The following BCAS3 variants were observed in gnomAD, a reference collection of about 807,000 sequenced individuals.
The protein encoded by BCAS3 is BCAS4/BCAS3 fusion.
A neutral mutation model predicts 116.1 loss-of-function variants in BCAS3; 53 were observed. The ratio of observed to expected loss-of-function variants is 0.46; its 90% CI spans 0.37 to 0.57. The LOEUF is 0.57. Ranked by LOEUF, BCAS3 falls within the 20% of genes least tolerant of loss-of-function variation. The pLI is 0.00. For synonymous variants in BCAS3, 391 were observed against 408.2 expected (o/e 0.96, Z 0.51); for missense variants, 917 against 1,165.4 (o/e 0.79, Z 3.10).
intron 10 of BCAS3, among the ~76,000 whole-genome samples, chr17:60,896,272 C>G (rs1036018832): frequency 2.0e-5 from 3 of 152,196 alleles, no homozygotes; most frequent in South Asian, 2.1e-4. Context: ...TTGTGGTGAG[C>G]TGAGATCACT....
At chr17:61,116,534 G>A (rs1436920119) in intron 22 of BCAS3, among the ~76,000 whole-genome samples, 1 of 152,100 alleles carries the variant, frequency 6.6e-6, no homozygotes, top group African/African-American at 2.4e-5. Context: ...GAAAACTTAG[G>A]AGGAGAAGAA....
chr17:61,024,109 A>T (rs2066060061), intron 16 of BCAS3, among the ~76,000 whole-genome samples: 1 of 152,140 alleles, frequency 6.6e-6, no homozygotes, highest in African/African-American at 2.4e-5. Context: ...ATAGGTGAAG[A>T]CAGCTGGATC....
At chr17:60,971,219 T>C (rs1028157382) in intron 14 of BCAS3, among the ~76,000 whole-genome samples, 8 of 152,242 alleles carry the variant, frequency 5.3e-5, no homozygotes, top group Admixed American at 1.3e-4. Flanking sequence ...TAGTCTTCCT[T>C]GTGGCAGATG....
rs1272191331 is a variant in BCAS3, at chr17:61,144,208, G to A, written c.2425+59644G>A. On this transcript the variant is annotated intron_variant, in intron 22 of 23. Transcript: ENST00000407086. The surrounding 1 kb of genome is among the most constrained non-coding windows in gnomAD (Gnocchi z 5.0). Reference sequence around the variant, plus strand: ...GAGGCAGAATAAATTTTGGAGCATGGATTTTTTTTTTAAGGAGGGTTATAG... The same window carrying A: ...GAGGCAGAATAAATTTTGGAGCATGAATTTTTTTTTTAAGGAGGGTTATAG... Among the ~76,000 whole-genome samples the A allele has an allele frequency of 1.3e-5, 2 of 151,964 alleles. No homozygotes were observed. Among genetic ancestry groups the A allele is most frequent in the Non-Finnish European group, 2.9e-5 (2 of 67,986 alleles).
chr17:61,178,225 C>G (rs1298117913), intron 22 of BCAS3, among the ~76,000 whole-genome samples: 1 of 152,004 alleles, frequency 6.6e-6, no homozygotes, highest in Non-Finnish European at 1.5e-5. Context: ...GTCTTTTATC[C>G]TTTTATTAGT....
At chr17:61,242,911 T>G (rs1189583532) in intron 22 of BCAS3, among the ~76,000 whole-genome samples, 1 of 147,062 alleles carries the variant, frequency 6.8e-6, no homozygotes, top group African/African-American at 2.6e-5. Context: ...GCTATACACT[T>G]TTTTTTTTTT....
In BCAS3 at chr17:60,776,558, A is replaced by G. The variant is rs2045304665; in HGVS notation, c.403+29279A>G. On this transcript the variant is annotated intron_variant, in intron 6 of 23. Transcript: ENST00000407086. ...ACATAGTGAAAACCCATCTCTACTA[A>G]AAATACAAAAATTAGCCAGGCATGG... 4.6e-5 allele frequency among the ~76,000 whole-genome samples: 7 copies of G among 152,170 alleles called. No individual in the cohort carries two copies. The South Asian group carries it at 1.2e-3, about 27-fold the overall frequency.
At chr17:61,079,200 T>C (rs2072315535) in intron 21 of BCAS3, among the ~76,000 whole-genome samples, 1 of 152,110 alleles carries the variant, frequency 6.6e-6, no homozygotes, top group South Asian at 2.1e-4. Flanking sequence ...TCTAATGTAA[T>C]ATAATCTCCC....
At chr17:60,865,210 T>C (rs557701014) in intron 7 of BCAS3, among the ~76,000 whole-genome samples, 1 of 151,260 alleles carries the variant, frequency 6.6e-6, no homozygotes, top group Non-Finnish European at 1.5e-5. Flanking sequence ...AAAAAAAAAA[T>C]GCAATATCTG....
intron 13 of BCAS3, 103 bp downstream of exon 13, chr17:60,924,603 A>G (rs1047002475): frequency 9.3e-6 from 7 of 750,094 alleles, no homozygotes; most frequent in Non-Finnish European, 1.5e-5. Context: ...TTCTTCATGT[A>G]TCAGTATATA....
In BCAS3 at chr17:61,215,753, G is replaced by A. The variant is rs2081745320; in HGVS notation, c.2425+131189G>A. 1.3e-5 allele frequency among the ~76,000 whole-genome samples: 2 copies of A among 152,222 alleles called. No homozygotes were observed. The highest frequency in any genetic ancestry group is 2.1e-4 in the South Asian group (1 of 4,814). On this transcript the variant is annotated intron_variant, in intron 22 of 23. Transcript: ENST00000407086. The surrounding 1 kb of genome is among the most constrained non-coding windows in gnomAD (Gnocchi z 4.8). ...GGCTCCATTAAATGTGAACACTAAC[G>A]TCTCTTAGTGCAGTAGTTCTCAACC...
At chr17:61,045,510 C>CT (rs796187064) in intron 19 of BCAS3, among the ~76,000 whole-genome samples, 7 of 144,416 alleles carry the variant, frequency 4.8e-5, no homozygotes, top group African/African-American at 1.8e-4. Context: ...GATTCTGTCT[C>CT]TTAAGAAAGA....
At chr17:61,116,331 T>G (rs1027468804) in intron 22 of BCAS3, among the ~76,000 whole-genome samples, 1 of 152,204 alleles carries the variant, frequency 6.6e-6, no homozygotes, top group Non-Finnish European at 1.5e-5. Context: ...AATATATGTA[T>G]ATTGCATTAT....
intron 22 of BCAS3, among the ~76,000 whole-genome samples, chr17:61,167,470 A>G (rs1165326784): frequency 6.6e-6 from 1 of 152,210 alleles, no homozygotes; most frequent in Non-Finnish European, 1.5e-5. Flanking sequence ...TGAACTGTAG[A>G]TACTTAGATT....
At chr17:60,791,824 A>G (rs896772407) in intron 6 of BCAS3, among the ~76,000 whole-genome samples, 3 of 152,070 alleles carry the variant, frequency 2.0e-5, no homozygotes, top group Admixed American at 6.6e-5. Context: ...GATATTTGTC[A>G]TGTTGAAATA....
intron 12 of BCAS3, among the ~76,000 whole-genome samples, chr17:60,915,896 G>A (rs1284144028): frequency 6.6e-6 from 1 of 151,952 alleles, no homozygotes; most frequent in African/African-American, 2.4e-5. Context: ...TGTTAGCCAG[G>A]ATGGTCTCAA....
intron 5 of BCAS3, among the ~76,000 whole-genome samples, chr17:60,711,879 C>T (rs1038549688): frequency 6.6e-6 from 1 of 151,578 alleles, no homozygotes; most frequent in Non-Finnish European, 1.5e-5. Context: ...ACAGTGAGAC[C>T]AGCCGGGTGC....
chr17:61,188,108 G>A lies in BCAS3; in HGVS notation c.2425+103544G>A, dbSNP rs2079885702. 6.6e-6 allele frequency among the ~76,000 whole-genome samples: 1 copy of A among 152,112 alleles called. No homozygotes were observed. Among genetic ancestry groups the A allele is most frequent in the Non-Finnish European group, 1.5e-5 (1 of 68,016 alleles). ...ATTTTCTCTGCTCTTGAACTTTTGAGGGAAAAACAAATACATGGCAGAATT... is the reference window on the plus strand; with the variant it reads ...ATTTTCTCTGCTCTTGAACTTTTGAAGGAAAAACAAATACATGGCAGAATT... On this transcript the variant is annotated intron_variant, in intron 22 of 23. Transcript: ENST00000407086. The surrounding 1 kb of genome is among the most constrained non-coding windows in gnomAD (Gnocchi z 4.0).
chr17:61,320,593 A>G (rs8069549), intron 22 of BCAS3, among the ~76,000 whole-genome samples: 5,339 of 151,676 alleles, frequency 0.035, 289 homozygotes, highest in African/African-American at 0.12. Context: ...GGAGAACGGC[A>G]TGAACCCGGG....
Sources: allele counts gnomAD v4.1 joint callset (sites outside exome capture counted in the v4.1 genomes callset), GRCh38; gene constraint gnomAD v4.1.1; non-coding constraint Gnocchi (gnomAD v3.1); transcripts MANE v1.5; gene names NCBI Gene and HGNC (gene_info 2026-07-23, HGNC 2026-07-21).